The following RIMS2 variants were observed in gnomAD, a reference collection of about 807,000 sequenced individuals.
RIMS2 encodes regulating synaptic membrane exocytosis protein 2.
A neutral mutation model predicts 174.4 loss-of-function variants in RIMS2; 59 were observed. That is an observed-to-expected ratio of 0.34 (90% CI 0.27 to 0.42). The LOEUF (loss-of-function observed/expected upper bound fraction) is 0.42. RIMS2 is among the 10% of genes least tolerant of loss of function. The probability of loss-of-function intolerance (pLI) is 1.00; values close to 1 mark genes in which losing one functional copy is unlikely to be tolerated. For missense variants in RIMS2, 1,620 were observed against 1,666.3 expected, an observed-to-expected ratio of 0.97 and a Z score of 0.48; for synonymous variants, 606 against 572.5, an observed-to-expected ratio of 1.06 and a Z score of -0.84.
intron 2 of RIMS2, among the ~76,000 whole-genome samples, chr8:103,752,842 A>G (rs1358900988): frequency 6.6e-6 from 1 of 152,124 alleles, no homozygotes; most frequent in African/African-American, 2.4e-5. Context: ...GGCTGAGACA[A>G]TGGGGGTTTT....
At chr8:103,838,673 A>G (rs2098919466) in intron 3 of RIMS2, among the ~76,000 whole-genome samples, 1 of 152,234 alleles carries the variant, frequency 6.6e-6, no homozygotes, top group South Asian at 2.1e-4. Context: ...CAGAAGGTGT[A>G]GGATAGGACA....
intron 19 of RIMS2, among the ~76,000 whole-genome samples, chr8:104,019,215 A>T (rs1244990999): frequency 6.6e-6 from 1 of 152,158 alleles, no homozygotes; most frequent in Non-Finnish European, 1.5e-5. Flanking sequence ...TTAAAACATT[A>T]TATAATCAGT....
chr8:103,575,383 C>T (rs1335140655), intron 1 of RIMS2, among the ~76,000 whole-genome samples: 1 of 152,024 alleles, frequency 6.6e-6, no homozygotes, highest in Non-Finnish European at 1.5e-5. Flanking sequence ...GCAGTATCTA[C>T]CAAAGCTGAA....
chr8:103,682,954 G>C lies in RIMS2; in HGVS notation c.177-14132G>C, dbSNP rs1461570513. On this transcript the variant is annotated intron_variant, in intron 1 of 23. Coordinates refer to ENST00000504942, the Ensembl canonical transcript of RIMS2. ...TTTAAATATCTAATATGACAGTTTG[G>C]GATAAATAGTTACTAGCTCTGCTAC... Among the ~76,000 whole-genome samples, 4 of 152,076 alleles carry C rather than the reference G, an allele frequency of 2.6e-5. No homozygotes were observed. In the East Asian group the frequency reaches 7.7e-4, roughly 29 times the overall value.
chr8:104,114,112 C>T (rs1469865502), intron 19 of RIMS2, among the ~76,000 whole-genome samples: 1 of 151,798 alleles, frequency 6.6e-6, no homozygotes, highest in Non-Finnish European at 1.5e-5. Context: ...TAATTTTTGT[C>T]AATGTTATTT....
At chr8:104,197,232 A>G (rs900702037) in intron 19 of RIMS2, among the ~76,000 whole-genome samples, 1 of 151,274 alleles carries the variant, frequency 6.6e-6, no homozygotes, top group African/African-American at 2.4e-5. Flanking sequence ...CTGGAGTACA[A>G]TGGCGTGAAC....
At chr8:103,605,646 G>A (rs1312867976) in intron 1 of RIMS2, among the ~76,000 whole-genome samples, 1 of 151,862 alleles carries the variant, frequency 6.6e-6, no homozygotes, top group Admixed American at 6.6e-5. Flanking sequence ...CTTTTTGGTT[G>A]GTAAACTATT....
chr8:103,770,305 A>G (rs1244573475), intron 3 of RIMS2, among the ~76,000 whole-genome samples: 2 of 152,090 alleles, frequency 1.3e-5, no homozygotes, highest in East Asian at 1.9e-4. Flanking sequence ...TCCGGGTGCA[A>G]TGGCTTATGC....
chr8:103,976,446 A>C (rs1184199594), intron 16 of RIMS2: 1 of 152,228 alleles, frequency 6.6e-6, no homozygotes, highest in Non-Finnish European at 1.5e-5. Flanking sequence ...TGATATAGAT[A>C]ATCGGTAATT....
At chr8:103,992,274 A>AATTTT (rs1565726059) in intron 17 of RIMS2, among the ~76,000 whole-genome samples, 9 of 107,106 alleles carry the variant, frequency 8.4e-5, no homozygotes, top group Admixed American at 1.1e-4. Context: ...ATGTCCAGCT[A>AATTTT]TTTTTTTTTT....
At chr8:103,576,587 T>C (rs1181255025) in intron 1 of RIMS2, among the ~76,000 whole-genome samples, 1 of 151,688 alleles carries the variant, frequency 6.6e-6, no homozygotes, top group Admixed American at 6.6e-5. Flanking sequence ...AGATAACATA[T>C]AAAAACAAAA....
At chr8:103,835,509 G>A (rs993858561) in intron 3 of RIMS2, among the ~76,000 whole-genome samples, 10 of 152,122 alleles carry the variant, frequency 6.6e-5, no homozygotes, top group Non-Finnish European at 1.3e-4. Context: ...AGAATCAGTT[G>A]GTCTCCAGTA....
At position 104,010,008 on chromosome 8, in the gene RIMS2, G is replaced by A. The variant is rs62527145; in HGVS notation, c.3045-3434G>A. 6.2e-3 allele frequency among the ~76,000 whole-genome samples: 939 copies of A among 151,686 alleles called. 13 individuals are homozygous for A. The highest frequency in any genetic ancestry group is 7.6e-3 in the Non-Finnish European group (517 of 67,784). On this transcript the variant is annotated intron_variant, in intron 17 of 23. Transcript: ENST00000504942. ...TGGATAGATGGATGGATGGATGGAT[G>A]GATGGACGGACGGATGGACGGACGG...
chr8:103,715,803 G>A (rs376794582), intron 2 of RIMS2, among the ~76,000 whole-genome samples: 1 of 152,016 alleles, frequency 6.6e-6, no homozygotes, highest in East Asian at 1.9e-4. Flanking sequence ...GAATAATTGG[G>A]ACAGAGATAA....
At chr8:103,718,364 AT>A (rs1374341522) in intron 2 of RIMS2, among the ~76,000 whole-genome samples, 4 of 152,116 alleles carry the variant, frequency 2.6e-5, no homozygotes, top group African/African-American at 9.7e-5. Context: ...GAGAGTTTTT[AT>A]TACAGTTACC....
rs187486596 is a variant in RIMS2, at chr8:103,724,414, T to G, written c.387+27118T>G. ...TGGTTTATTTGTTAAAGAATATAAT[T>G]CTTTATCACATATGCTGGAAATATT... On this transcript the variant is annotated intron_variant, in intron 2 of 23. Coordinates refer to ENST00000504942, the Ensembl canonical transcript of RIMS2. Among the ~76,000 whole-genome samples the G allele has an allele frequency of 6.6e-5, 10 of 152,302 alleles. No individual in the cohort carries two copies. The East Asian group carries it at 1.9e-3, about 29-fold the overall frequency.
intron 1 of RIMS2, among the ~76,000 whole-genome samples, chr8:103,586,999 A>G (rs1270995442): frequency 6.6e-6 from 1 of 152,050 alleles, no homozygotes; most frequent in Non-Finnish European, 1.5e-5. Context: ...ATTGAATGTA[A>G]ATGGACTAAA....
intron 19 of RIMS2, chr8:104,094,451 G>T (rs1417865087): frequency 1.2e-5 from 7 of 599,912 alleles, no homozygotes; most frequent in East Asian, 1.1e-4. Context: ...TTATTTGCAT[G>T]CCTTCAATTT....
intron 19 of RIMS2, among the ~76,000 whole-genome samples, chr8:104,144,654 T>C (rs1478967559): frequency 1.9e-4 from 29 of 152,150 alleles, no homozygotes; most frequent in Non-Finnish European, 1.5e-5. Context: ...CAGTATATCC[T>C]TTCATATTTT....
Sources: gnomAD v4.1 joint callset for allele counts (sites outside exome capture counted in the v4.1 genomes callset) on GRCh38, gnomAD v4.1.1 for gene constraint, MANE v1.5 for transcripts, NCBI Gene and HGNC (gene_info 2026-07-23, HGNC 2026-07-21) for gene names.